ELFN1: variants seen among roughly 807,000 people sequenced by gnomAD.
ELFN1 encodes the protein extracellular leucine rich repeat and fibronectin type III domain containing 1, also known as protein ELFN1.
A neutral mutation model predicts 7.6 loss-of-function variants in ELFN1; 6 were observed. The observed-to-expected ratio is 0.79, with a 90% CI of 0.43 to 1.56. The LOEUF (loss-of-function observed/expected upper bound fraction) is 1.56, where lower values mean the gene tolerates loss of function less well. Ranked by LOEUF, ELFN1 falls within the 40% of genes most tolerant of loss-of-function variation. The pLI is 0.01. For synonymous variants in ELFN1, 657 were observed against 588.1 expected (o/e 1.12, Z -1.70); for missense variants, 1,169 against 1,232.2 (o/e 0.95, Z 0.77).
chr7:1,731,474 G>A (rs1341956516), intron 3 of ELFN1, among the ~76,000 whole-genome samples: 2 of 152,128 alleles, frequency 1.3e-5, no homozygotes, highest in East Asian at 3.9e-4. Flanking sequence ...AGAAATAGGA[G>A]AAATGGTCCC....
chr7:1,688,678 A>G lies in ELFN1; in HGVS notation c.-456+528A>G, dbSNP rs540842265. Among the ~76,000 whole-genome samples, 5 of 152,332 alleles carry G rather than the reference A, an allele frequency of 3.3e-5. No individual in the cohort carries two copies. In the South Asian group the frequency reaches 1.0e-3, roughly 32 times the overall value. On this transcript the variant is annotated intron_variant, in intron 2 of 3. Transcript: ENST00000424383. ...AGTCCCTTGCAATTGTGAGAATAAT[A>G]CAGAGAGATCTCATGTACCCTTTAT...
At chr7:1,716,812 G>A (rs1779847316) in intron 3 of ELFN1, among the ~76,000 whole-genome samples, 1 of 152,184 alleles carries the variant, frequency 6.6e-6, no homozygotes, top group Admixed American at 6.5e-5. Flanking sequence ...CTGGGGAGGA[G>A]GCCAGCACCA....
Position 1,746,939 on chromosome 7 carries a change from A to T in ELFN1, c.2343A>T (p.Arg781Ser), listed in dbSNP as rs1780820095. The change falls in exon 4 of 4, where the codon AGA becomes AGT. Residue 781 changes from arginine (R) to serine (S), a missense_variant. Arg to Ser is a moderately radical substitution (Grantham distance 110, BLOSUM62 -1). Around this residue, in one of 2 missense-constraint regions of ELFN1, gnomAD observed 914 missense variants for 872.6 expected, o/e 1.05. Coordinates refer to ENST00000424383, the MANE Select transcript of ELFN1 (RefSeq NM_001128636.4). Reference sequence around the variant, plus strand: ...CCCAGAGCATCTGGGAGCGCTTCAGACTGAGCCGCCGGCGGCACAAGGAGG... The same window carrying T: ...CCCAGAGCATCTGGGAGCGCTTCAGTCTGAGCCGCCGGCGGCACAAGGAGG... ...RASQSIWERF[R>S]LSRRRHKEEE... is the part of the protein sequence containing the mutation. 1 of 1,550,028 alleles carries T rather than the reference A, an allele frequency of 6.5e-7. No homozygotes were observed. Among genetic ancestry groups the T allele is most frequent in the Admixed American group, 2.0e-5 (1 of 50,904 alleles).
At chr7:1,694,696 A>G (rs892067851) in intron 2 of ELFN1, among the ~76,000 whole-genome samples, 2 of 152,150 alleles carry the variant, frequency 1.3e-5, no homozygotes, top group African/African-American at 4.8e-5. Flanking sequence ...GAGCGAGGGT[A>G]TGAGACAGGA....
intron 2 of ELFN1, chr7:1,693,278 T>A (rs1336333642): frequency 4.4e-6 from 2 of 450,812 alleles, no homozygotes; most frequent in Non-Finnish European, 9.4e-6. Flanking sequence ...GAGGATGTAC[T>A]GGCTGGGGAA....
rs548632167 is a variant in ELFN1, at chr7:1,672,146, T to C, written c.-549+1792T>C. On this transcript the variant is annotated intron_variant, in intron 1 of 3. Transcript: ENST00000424383. ...AGCTCCCGACTCCCAGAAAAGCCAG[T>C]GGGCACCTGAACCAGAGCCACACTC... 5.3e-5 allele frequency among the ~76,000 whole-genome samples: 8 copies of C among 152,246 alleles called. No individual in the cohort carries two copies. In the East Asian group the frequency reaches 1.4e-3, roughly 26 times the overall value.
At chr7:1,677,036 A>G (rs1245740260) in intron 1 of ELFN1, among the ~76,000 whole-genome samples, 1 of 152,236 alleles carries the variant, frequency 6.6e-6, no homozygotes, top group African/African-American at 2.4e-5. Context: ...CGACGCTGGC[A>G]GCGGAGAGAC....
rs1056650064 is a variant in ELFN1, at chr7:1,735,520, G to A, written c.-293-8784G>A. ...CATGTCCCCAGGAGCCAGCCCCGCC[G>A]AGTCAGCCCTCCCAGCCCTGGCCTT... On this transcript the variant is annotated intron_variant, in intron 3 of 3. Transcript: ENST00000424383. This position sits in a 1 kb window ranked among gnomAD's most constrained non-coding sequence, Gnocchi z 5.9. Among the ~76,000 whole-genome samples the A allele has an allele frequency of 1.3e-5, 2 of 152,010 alleles. No individual in the cohort carries two copies. The highest frequency in any genetic ancestry group is 4.8e-5 in the African/African-American group (2 of 41,380).
chr7:1,686,712 G>T (rs901004171), intron 1 of ELFN1, among the ~76,000 whole-genome samples: 7 of 152,162 alleles, frequency 4.6e-5, no homozygotes, highest in African/African-American at 1.2e-4. Flanking sequence ...ACCCTCTTTT[G>T]TCTCCTCTGC....
At position 1,746,895 on chromosome 7, in the gene ELFN1, G is replaced by A. The variant is rs543465852; in HGVS notation, c.2299G>A (p.Glu767Lys). The A allele has an allele frequency of 5.6e-5, 87 of 1,547,230 alleles. 1 individual carries two copies. In the East Asian group the frequency reaches 1.1e-3, roughly 19 times the overall value. Residue 767 changes from glutamate (E) to lysine (K), a missense_variant, in exon 4 of 4, where the codon GAG (glutamate) becomes AAG (lysine). Physicochemically the swap from Glu to Lys is moderately conservative, Grantham distance 56 (BLOSUM62 1). This residue lies in a region of ELFN1 where 914 missense variants were observed against 872.6 expected (regional missense o/e 1.05). Transcript: ENST00000424383. ...YHSLSYSSSPEYTCRASQSIW... is the reference protein window; with the variant it reads ...YHSLSYSSSPKYTCRASQSIW... ...CAGCCTGAGCTACTCCTCCAGCCCC[G>A]AGTACACCTGCCGGGCCTCCCAGAG...
At chr7:1,699,448 G>C (rs1779382460) in intron 2 of ELFN1, among the ~76,000 whole-genome samples, 1 of 152,066 alleles carries the variant, frequency 6.6e-6, no homozygotes, top group African/African-American at 2.4e-5. Flanking sequence ...AACAAGTCTG[G>C]GCAACATAGT....
intron 3 of ELFN1, among the ~76,000 whole-genome samples, chr7:1,715,060 C>T (rs940604937): frequency 1.3e-5 from 2 of 152,200 alleles, no homozygotes; most frequent in Non-Finnish European, 2.9e-5. Context: ...GAAGGGAATA[C>T]ACCAGCTAAG....
chr7:1,745,884 G>A lies in ELFN1; in HGVS notation c.1288G>A (p.Val430Met), dbSNP rs540684381. Residue 430 changes from valine (V) to methionine (M), a missense_variant, in exon 4 of 4, where the codon GTG becomes ATG. By Grantham distance (21) the Val-to-Met change is conservative (BLOSUM62 1). This residue lies in a region of ELFN1 where 914 missense variants were observed against 872.6 expected (regional missense o/e 1.05). Coordinates refer to ENST00000424383, the MANE Select transcript of ELFN1 (RefSeq NM_001128636.4). Reference sequence around the variant, plus strand: ...CATCCTGGGCTGCCTCTTCGGCATGGTGCTGGTGCTGGGCGCCGTCTACTA... The same window carrying A: ...CATCCTGGGCTGCCTCTTCGGCATGATGCTGGTGCTGGGCGCCGTCTACTA... ...MTILGCLFGMVLVLGAVYYCL... is the reference protein window; with the variant it reads ...MTILGCLFGMMLVLGAVYYCL... 8.8e-6 allele frequency: 14 copies of A among 1,591,080 alleles called. No individual in the cohort carries two copies. In the South Asian group the frequency reaches 1.6e-4, roughly 18 times the overall value.
chr7:1,671,934 C>T (rs1778775280), intron 1 of ELFN1, among the ~76,000 whole-genome samples: 1 of 152,204 alleles, frequency 6.6e-6, no homozygotes, highest in African/African-American at 2.4e-5. Flanking sequence ...TTTTCCTGGG[C>T]ATACGGTGGT....
At chr7:1,736,141 C>T (rs1159848717) in intron 3 of ELFN1, among the ~76,000 whole-genome samples, 1 of 152,190 alleles carries the variant, frequency 6.6e-6, no homozygotes, top group Admixed American at 6.5e-5. Flanking sequence ...TGCGGCAGAG[C>T]CCAGGGAGAC....
Position 1,746,508 on chromosome 7 carries a change from G to T in ELFN1, c.1912G>T (p.Ala638Ser). The T allele has an allele frequency of 6.7e-7, 1 of 1,481,566 alleles. No homozygotes were observed. Among genetic ancestry groups the T allele is most frequent in the East Asian group, 2.7e-5 (1 of 37,634 alleles). The allele number at this position is 1,481,566 out of a possible 1,614,324, so 91.8% of individuals were successfully genotyped here. ...HSVEAAGPPR[A>S]STSSSGSVRS... ...CGTGGAGGCCGCCGGGCCCCCTCGT[G>T]CCAGCACCTCGTCCAGCGGCTCCGT... The change falls in exon 4 of 4, where the codon GCC becomes TCC. Residue 638 changes from alanine (A) to serine (S), a missense_variant. Coordinates refer to ENST00000424383, the MANE Select transcript of ELFN1 (RefSeq NM_001128636.4).
intron 3 of ELFN1, among the ~76,000 whole-genome samples, chr7:1,726,831 C>G (rs751588121): frequency 7.9e-5 from 12 of 152,202 alleles, no homozygotes; most frequent in African/African-American, 2.9e-4. Flanking sequence ...CACCAGAACT[C>G]GCCCCTGCAC....
chr7:1,677,594 G>A (rs927577050), intron 1 of ELFN1, among the ~76,000 whole-genome samples: 10 of 152,206 alleles, frequency 6.6e-5, no homozygotes, highest in South Asian at 6.2e-4. Flanking sequence ...ATGAACTCAC[G>A]TGTGTGTAGA....
chr7:1,667,875 C>T (rs1778693715), upstream of ELFN1, among the ~76,000 whole-genome samples: 2 of 151,950 alleles, frequency 1.3e-5, no homozygotes, highest in East Asian at 1.9e-4. This position sits in a 1 kb window ranked among gnomAD's most constrained non-coding sequence, Gnocchi z 8.2. Flanking sequence ...TAACAGCAGG[C>T]CGCCAATCGG....
Sources: gnomAD v4.1 joint callset for allele counts (sites outside exome capture counted in the v4.1 genomes callset) on GRCh38, gnomAD v4.1.1 for gene constraint, gnomAD v4.1.1 regional missense constraint, Gnocchi (gnomAD v3.1) non-coding constraint, MANE v1.5 for transcripts, NCBI Gene and HGNC (gene_info 2026-07-23, HGNC 2026-07-21) for gene names.